Variants in LGALS9 observed in about 807,000 individuals in gnomAD.
LGALS9 encodes the protein galectin 9, also known as galectin-9.
In LGALS9, 26 loss-of-function variants were observed where a neutral mutation model predicts 35.9. That is an observed-to-expected ratio of 0.72 (90% CI 0.53 to 1.01). LGALS9 has a LOEUF of 1.01. LGALS9 is among the 50% of genes least tolerant of loss of function. The pLI is 0.00. For synonymous variants in LGALS9, 149 were observed against 172.2 expected (o/e 0.87, Z 1.06); for missense variants, 347 against 445.8 (o/e 0.78, Z 1.99).
At chr17:27,633,417 G>T (rs1312350817) in intron 1 of LGALS9, among the ~76,000 whole-genome samples, 1 of 152,246 alleles carries the variant, frequency 6.6e-6, no homozygotes, top group Non-Finnish European at 1.5e-5. Context: ...TGGCCAGCAG[G>T]ACCATGGAGC....
intron 1 of LGALS9, among the ~76,000 whole-genome samples, chr17:27,632,413 G>T (rs1040648406): frequency 7.6e-4 from 116 of 152,174 alleles, no homozygotes; most frequent in African/African-American, 2.0e-3. Context: ...TGCAGAGCTC[G>T]GCTCTGCTTT....
intron 2 of LGALS9, among the ~76,000 whole-genome samples, chr17:27,639,155 A>T (rs2074488157): frequency 6.6e-6 from 1 of 151,888 alleles, no homozygotes; most frequent in African/African-American, 2.4e-5. Context: ...TCCCAGCTAA[A>T]CCTCAGCTTG....
chr17:27,640,309 G>T (rs1904367652), intron 2 of LGALS9: 1 of 538,774 alleles, frequency 1.9e-6, no homozygotes, highest in Admixed American at 3.2e-5. Flanking sequence ...TATGTTTCTT[G>T]TTTGCTAATA....
rs1430012639 is a variant in LGALS9, at chr17:27,649,213, G to A, written c.*231G>A. 3 of 649,166 alleles carry A rather than the reference G, an allele frequency of 4.6e-6. No homozygotes were observed. Among genetic ancestry groups the A allele is most frequent in the Non-Finnish European group, 8.0e-6 (3 of 375,592 alleles). The allele number at this position is 649,166 out of a possible 1,614,324, so 40.2% of individuals were successfully genotyped here. A position where few individuals can be genotyped will look rare whatever the true frequency, so the allele number is the denominator to read the frequency against. On this transcript the variant is annotated 3_prime_UTR_variant, in exon 11 of 11. Transcript: ENST00000395473. ...AGCAGCACCTGGGGCTCCAGCTGCTGGAATCCTACCATCCCAGGAGGCAGG... is the reference window on the plus strand; with the variant it reads ...AGCAGCACCTGGGGCTCCAGCTGCTAGAATCCTACCATCCCAGGAGGCAGG...
In LGALS9 at chr17:27,648,984, C is replaced by T. The variant is rs376365510; in HGVS notation, c.*2C>T. Reference sequence around the variant, plus strand: ...CAGCTGACCCATGTGCAGACATAGGCGGCTTCCTGGCCCTGGGGCCGGGGG... The same window carrying T: ...CAGCTGACCCATGTGCAGACATAGGTGGCTTCCTGGCCCTGGGGCCGGGGG... On this transcript the variant is annotated 3_prime_UTR_variant, in exon 11 of 11. Transcript: ENST00000395473. 39 of 1,613,810 alleles carry T rather than the reference C, an allele frequency of 2.4e-5. No homozygotes were observed. The African/African-American group carries it at 2.7e-4, about 11-fold the overall frequency.
chr17:27,647,547 G>C (rs1188911654), intron 10 of LGALS9, 115 bp downstream of exon 10: 2 of 1,419,536 alleles, frequency 1.4e-6, no homozygotes, highest in African/African-American at 1.4e-5. Context: ...TGGGATGAAG[G>C]CCCAAAAGAA....
chr17:27,635,397 G>C (rs8079018), intron 1 of LGALS9, among the ~76,000 whole-genome samples: 90,518 of 151,522 alleles, frequency 0.6, 27,688 homozygotes, highest in African/African-American at 0.74. Flanking sequence ...CATGATCACA[G>C]CCCTCACTGA....
chr17:27,645,733 T>G (rs1904883517), intron 6 of LGALS9, 128 bp from the exon 7 acceptor site: 2 of 711,192 alleles, frequency 2.8e-6, no homozygotes, highest in African/African-American at 3.7e-5. Flanking sequence ...GCCCACCCTC[T>G]GTGGGGTCTG....
rs776880273 is a variant in LGALS9, at chr17:27,640,938, C to T, written c.333+165C>T. 3.6e-5 allele frequency: 38 copies of T among 1,057,380 alleles called. No homozygotes were observed. In the African/African-American group the frequency reaches 5.4e-4, roughly 15 times the overall value. The allele number at this position is 1,057,380 out of a possible 1,614,324, so 65.5% of individuals were successfully genotyped here. A position where few individuals can be genotyped will look rare whatever the true frequency, so the allele number is the denominator to read the frequency against. ...GTGTTACCCATGGCTGCCTAGTCTC[C>T]TTATGCACCTTCATCTGAATCTACA... On this transcript the variant is annotated intron_variant, in intron 3 of 10. Transcript: ENST00000395473.
rs748638386 is a variant in LGALS9, at chr17:27,647,264, C to A, written c.759-6C>A. ...GATAAAGGTTCAGGTGGGCTGCCCA[C>A]CCCAGGTTCCACATCAACCTGTGCT... is the stretch of plus-strand genomic sequence containing the variant. On this transcript the variant is annotated splice_region_variant and splice_polypyrimidine_tract_variant and intron_variant, in intron 9 of 10. Transcript: ENST00000395473. 9.3e-6 allele frequency: 15 copies of A among 1,613,780 alleles called. No homozygotes were observed. In the South Asian group the frequency reaches 1.3e-4, roughly 14 times the overall value.
intron 10 of LGALS9, among the ~76,000 whole-genome samples, chr17:27,648,501 G>T (rs181687717): frequency 6.6e-6 from 1 of 152,156 alleles, no homozygotes; most frequent in African/African-American, 2.4e-5. Context: ...CGTGGAGAAG[G>T]CATTGGGGTG....
intron 1 of LGALS9, among the ~76,000 whole-genome samples, chr17:27,637,422 A>T (rs1567912841): frequency 6.6e-6 from 1 of 152,238 alleles, no homozygotes; most frequent in Non-Finnish European, 1.5e-5. Context: ...CAGAGCTAGG[A>T]TTCAGACCTG....
chr17:27,637,608 A>G lies in LGALS9; in HGVS notation c.40-655A>G, dbSNP rs537491609. On this transcript the variant is annotated intron_variant, in intron 1 of 10. Coordinates refer to ENST00000395473, the MANE Select transcript of LGALS9 (RefSeq NM_009587.3). ...GAGGGAAGGAATGGGGAGCCCGGGCACAGAAATAGAGGAGGGGGCTGCCCC... is the reference window on the plus strand; with the variant it reads ...GAGGGAAGGAATGGGGAGCCCGGGCGCAGAAATAGAGGAGGGGGCTGCCCC... 7.8e-4 allele frequency among the ~76,000 whole-genome samples: 119 copies of G among 152,322 alleles called. 1 individual carries two copies. The highest frequency in any genetic ancestry group is 1.4e-3 in the Non-Finnish European group (92 of 68,028).
intron 2 of LGALS9, among the ~76,000 whole-genome samples, chr17:27,638,971 C>T (rs935028419): frequency 2.0e-5 from 3 of 152,134 alleles, no homozygotes; most frequent in Non-Finnish European, 2.9e-5. Context: ...GGCACCCCGA[C>T]CGGGTGGCAC....
chr17:27,631,394 A>T, intron 1 of LGALS9, 90 bp downstream of exon 1: 187 of 1,464,202 alleles, frequency 1.3e-4, no homozygotes, highest in Middle Eastern at 4.1e-4. Context: ...GTGGCAGGGG[A>T]TGGGGGTGGG....
At chr17:27,645,019 T>A in intron 5 of LGALS9, 2 of 494,610 alleles carry the variant, frequency 4.0e-6, no homozygotes, top group Non-Finnish European at 7.4e-6. Flanking sequence ...CTGGAAGTAA[T>A]GCTCTTCGCT....
In LGALS9 at chr17:27,645,482, C is replaced by G; in HGVS notation, c.576+133C>G. 2 of 1,354,610 alleles carry G rather than the reference C, an allele frequency of 1.5e-6. 1 individual carries two copies. Among genetic ancestry groups the G allele is most frequent in the Non-Finnish European group, 2.0e-6 (2 of 993,036 alleles). The allele number at this position is 1,354,610 out of a possible 1,614,324, so 83.9% of individuals were successfully genotyped here. A position where few individuals can be genotyped will look rare whatever the true frequency, so the allele number is the denominator to read the frequency against. On this transcript the variant is annotated intron_variant, in intron 6 of 10. Coordinates refer to ENST00000395473, the MANE Select transcript of LGALS9 (RefSeq NM_009587.3). ...CAGACCAGACCCTTGACCATCTGCC[C>G]GGCCTGGTGAGGTTGGGGGTTGGAT...
At chr17:27,636,370 T>C (rs1460206691) in intron 1 of LGALS9, among the ~76,000 whole-genome samples, 1 of 152,218 alleles carries the variant, frequency 6.6e-6, no homozygotes, top group Non-Finnish European at 1.5e-5. Context: ...CTTCATCCTA[T>C]ACCCTCCCTC....
At position 27,640,590 on chromosome 17, in the gene LGALS9, G is replaced by C; in HGVS notation, c.150G>C (p.Gln50His). ...GGCCTAGGTTTGCTGTGAACTTTCAGACTGGCTTCAGTGGAAATGACATTG... is the reference window on the plus strand; with the variant it reads ...GGCCTAGGTTTGCTGTGAACTTTCACACTGGCTTCAGTGGAAATGACATTG... ...SSGTRFAVNF[Q>H]TGFSGNDIAF... is the part of the protein sequence containing the mutation. Residue 50 changes from glutamine to histidine, a missense_variant, in exon 3 of 11, where the codon CAG (glutamine) becomes CAC (histidine). Physicochemically the swap from Gln to His is conservative, Grantham distance 24. Transcript: ENST00000395473. 1 of 1,614,098 alleles carries C rather than the reference G, an allele frequency of 6.2e-7. No homozygotes were observed. The highest frequency in any genetic ancestry group is 8.5e-7 in the Non-Finnish European group (1 of 1,179,938).
Sources: gnomAD v4.1 joint callset for allele counts (sites outside exome capture counted in the v4.1 genomes callset) on GRCh38, gnomAD v4.1.1 for gene constraint, MANE v1.5 for transcripts, NCBI Gene and HGNC (gene_info 2026-07-23, HGNC 2026-07-21) for gene names.